The following PKHD1 variants were observed in gnomAD, a reference collection of about 807,000 sequenced individuals.
The protein encoded by PKHD1 is fibrocystin.
In PKHD1, 291 loss-of-function variants were observed where a neutral mutation model predicts 412.0. The observed-to-expected ratio is 0.71, with a 90% CI of 0.64 to 0.78. PKHD1 has a LOEUF of 0.78. PKHD1 is among the 30% of genes least tolerant of loss of function. The pLI, the probability that PKHD1 is intolerant of heterozygous loss-of-function variation, is 0.00. For synonymous variants in PKHD1, 1,777 were observed against 1,821.5 expected, an observed-to-expected ratio of 0.98 and a Z score of 0.62; for missense variants, 4,825 against 4,950.7, an observed-to-expected ratio of 0.97 and a Z score of 0.76.
At chr6:51,837,891 C>T (rs1191294348) in intron 50 of PKHD1, among the ~76,000 whole-genome samples, 2 of 152,102 alleles carry the variant, frequency 1.3e-5, no homozygotes, top group Non-Finnish European at 2.9e-5. Context: ...CCTTACACTG[C>T]CACATGTTGA....
intron 45 of PKHD1, among the ~76,000 whole-genome samples, chr6:51,884,356 T>C (rs748678562): frequency 1.3e-5 from 2 of 152,280 alleles, no homozygotes; most frequent in African/African-American, 2.4e-5. Context: ...ATCTCCAGAC[T>C]CTCACTTCTA....
At chr6:51,929,762 T>G (rs1786285908) in intron 37 of PKHD1, among the ~76,000 whole-genome samples, 1 of 152,246 alleles carries the variant, frequency 6.6e-6, no homozygotes, top group African/African-American at 2.4e-5. Flanking sequence ...TCCTACCAAA[T>G]TCTTATGTTC....
chr6:51,643,415 G>T (rs1769642982), intron 63 of PKHD1, among the ~76,000 whole-genome samples: 1 of 152,040 alleles, frequency 6.6e-6, no homozygotes, highest in East Asian at 1.9e-4. Flanking sequence ...ATGACCAGGA[G>T]CAACAATATG....
At chr6:52,068,911 C>T (rs909082471) in intron 11 of PKHD1, among the ~76,000 whole-genome samples, 2 of 152,202 alleles carry the variant, frequency 1.3e-5, no homozygotes, top group African/African-American at 2.4e-5. Context: ...GACATTTCTT[C>T]AGTGGCTGTG....
intron 53 of PKHD1, among the ~76,000 whole-genome samples, chr6:51,786,481 T>C (rs1368366459): frequency 2.0e-5 from 3 of 152,192 alleles, no homozygotes; most frequent in African/African-American, 7.2e-5. Flanking sequence ...AACTATCCAG[T>C]GACTACCCAC....
intron 15 of PKHD1, among the ~76,000 whole-genome samples, chr6:52,059,259 CTTTTTTT>C (rs55992586): frequency 7.2e-5 from 6 of 83,522 alleles, no homozygotes; most frequent in East Asian, 3.9e-4. Context: ...TTTTCTTTTT[CTTTTTTT>C]TTTTTTTTTT....
At chr6:51,885,107 T>A (rs371287844) in intron 45 of PKHD1, among the ~76,000 whole-genome samples, 1 of 152,176 alleles carries the variant, frequency 6.6e-6, no homozygotes, top group Non-Finnish European at 1.5e-5. Context: ...CACCTATATA[T>A]CTTATGTTCC....
At chr6:51,989,704 C>A (rs1248881055) in intron 35 of PKHD1, among the ~76,000 whole-genome samples, 4 of 151,752 alleles carry the variant, frequency 2.6e-5, no homozygotes, top group Admixed American at 2.0e-4. Context: ...TTCACCACTT[C>A]TAGAGATTTA....
At chr6:52,079,859 T>C (rs1361935634) in intron 5 of PKHD1, 41 bp downstream of exon 5, 2 of 1,117,690 alleles carry the variant, frequency 1.8e-6, no homozygotes, top group Non-Finnish European at 2.8e-6. Context: ...AGCACACCCT[T>C]AGACTATGTA....
chr6:52,035,826 T>C, intron 27 of PKHD1, 105 bp from the exon 28 acceptor site: 2 of 1,165,028 alleles, frequency 1.7e-6, no homozygotes, highest in Non-Finnish European at 2.6e-6. Context: ...TGAAACTCCT[T>C]AGTCAAAACA....
chr6:51,627,516 T>C (rs1767407217), intron 65 of PKHD1, among the ~76,000 whole-genome samples: 1 of 152,000 alleles, frequency 6.6e-6, no homozygotes, highest in Non-Finnish European at 1.5e-5. Context: ...ATTACATATG[T>C]GCCTTGCATA....
intron 52 of PKHD1, among the ~76,000 whole-genome samples, chr6:51,826,817 A>G (rs1340638529): frequency 6.6e-6 from 1 of 152,154 alleles, no homozygotes; most frequent in Non-Finnish European, 1.5e-5. Context: ...AAATGGTACC[A>G]TACTTAAGAT....
intron 56 of PKHD1, among the ~76,000 whole-genome samples, chr6:51,753,795 T>C (rs1231394266): frequency 6.6e-6 from 1 of 152,112 alleles, no homozygotes; most frequent in Non-Finnish European, 1.5e-5. Context: ...CAGCTGTGTG[T>C]AAAAGGAAAG....
chr6:51,858,473 T>C (rs1216234107), intron 48 of PKHD1, among the ~76,000 whole-genome samples: 1 of 152,228 alleles, frequency 6.6e-6, no homozygotes, highest in Non-Finnish European at 1.5e-5. Context: ...CAAAATTGGC[T>C]ACAGTAGGTA....
At chr6:51,793,099 C>G (rs915486464) in intron 52 of PKHD1, among the ~76,000 whole-genome samples, 20 of 152,104 alleles carry the variant, frequency 1.3e-4, no homozygotes, top group African/African-American at 4.6e-4. Flanking sequence ...GTTTAATCCC[C>G]TACATACCTT....
rs1768634208 is a variant in PKHD1, at chr6:51,833,451, A to C, written c.8174-2462T>G. On this transcript the variant is annotated intron_variant, in intron 51 of 66. Transcript: ENST00000371117. The stretch of plus-strand genomic sequence containing the variant: ...CTCCTGTCAGAGTTATCAGATTTCT[A>C]TACAACTAATATCAGGGTTCTATAT... 2.0e-5 allele frequency among the ~76,000 whole-genome samples: 3 copies of C among 152,202 alleles called. No individual in the cohort carries two copies. In the South Asian group the frequency reaches 6.2e-4, roughly 32 times the overall value.
intron 35 of PKHD1, among the ~76,000 whole-genome samples, chr6:51,999,055 A>G (rs1405433168): frequency 6.6e-6 from 1 of 152,232 alleles, no homozygotes; most frequent in Non-Finnish European, 1.5e-5. Context: ...ATAAGCTCTT[A>G]GAGGAGTTGT....
At chr6:51,771,364 G>A (rs1368619007) in intron 55 of PKHD1, among the ~76,000 whole-genome samples, 1 of 152,108 alleles carries the variant, frequency 6.6e-6, no homozygotes, top group Non-Finnish European at 1.5e-5. Flanking sequence ...GCTCATGCCT[G>A]TAATCCCAGG....
chr6:51,744,329 C>T, intron 60 of PKHD1, 56 bp downstream of exon 60: 1 of 1,490,540 alleles, frequency 6.7e-7, no homozygotes, highest in Non-Finnish European at 9.4e-7. Flanking sequence ...GCAAAACCAG[C>T]TCCTTCACAA....
Sources: allele counts gnomAD v4.1 joint callset (sites outside exome capture counted in the v4.1 genomes callset), GRCh38; gene constraint gnomAD v4.1.1; transcripts MANE v1.5; gene names NCBI Gene and HGNC (gene_info 2026-07-23, HGNC 2026-07-21).